MAP3K5: variants seen among roughly 807,000 people sequenced by gnomAD.
The protein encoded by MAP3K5 is ASK-1.
A neutral mutation model predicts 158.7 loss-of-function variants in MAP3K5; 56 were observed. The ratio of observed to expected loss-of-function variants is 0.35; its 90% CI spans 0.28 to 0.44. MAP3K5 has a LOEUF of 0.44. MAP3K5 is among the 20% of genes least tolerant of loss of function. MAP3K5 has a pLI of 1.00. For missense variants in MAP3K5, 1,294 were observed against 1,674.8 expected (o/e 0.77, Z 3.97); for synonymous variants, 579 against 601.7 (o/e 0.96, Z 0.55).
At position 136,688,268 on chromosome 6, in the gene MAP3K5, G is replaced by A. The variant is rs558656983; in HGVS notation, c.1253+5872C>T. On this transcript the variant is annotated intron_variant, in intron 7 of 29. Coordinates refer to ENST00000359015, the MANE Select transcript of MAP3K5 (RefSeq NM_005923.4). ...GGAACATCACACACTGAGACCTGTT[G>A]GTGGGTAGGGGGCTAGGGGAGGCAT... 6.6e-5 allele frequency among the ~76,000 whole-genome samples: 10 copies of A among 152,220 alleles called. No homozygotes were observed. In the South Asian group the frequency reaches 2.1e-3, roughly 32 times the overall value.
At chr6:136,776,304 C>T (rs1457466217) in intron 1 of MAP3K5, among the ~76,000 whole-genome samples, 2 of 152,146 alleles carry the variant, frequency 1.3e-5, no homozygotes, top group African/African-American at 2.4e-5. Context: ...AGTGCAGTGG[C>T]GCAATTATGG....
intron 3 of MAP3K5, among the ~76,000 whole-genome samples, chr6:136,700,717 T>C (rs1267971405): frequency 1.3e-5 from 2 of 152,106 alleles, no homozygotes; most frequent in African/African-American, 4.8e-5. Flanking sequence ...AAATATGTGA[T>C]TGAAACATAA....
At chr6:136,642,141 C>G (rs1778008233) in intron 12 of MAP3K5, among the ~76,000 whole-genome samples, 1 of 151,320 alleles carries the variant, frequency 6.6e-6, no homozygotes, top group African/African-American at 2.4e-5. Context: ...GCTTTGTATC[C>G]ACACAAAGGG....
intron 8 of MAP3K5, among the ~76,000 whole-genome samples, chr6:136,659,660 G>A (rs6914406): frequency 0.095 from 14,460 of 152,194 alleles, 1,525 homozygotes; most frequent in East Asian, 0.28. Flanking sequence ...AGAGGTACCT[G>A]TAACAGTCAA....
chr6:136,592,127 A>G (rs767276164), intron 23 of MAP3K5, 46 bp downstream of exon 23: 2 of 1,503,100 alleles, frequency 1.3e-6, no homozygotes, highest in Non-Finnish European at 1.8e-6. Flanking sequence ...GGACACAGAT[A>G]AAATATGTAA....
chr6:136,786,803 T>C (rs566307527), intron 1 of MAP3K5, among the ~76,000 whole-genome samples: 3 of 138,926 alleles, frequency 2.2e-5, no homozygotes, highest in Non-Finnish European at 4.7e-5. Flanking sequence ...AGTTCTTCTT[T>C]TTTTTTTTTT....
At position 136,613,296 on chromosome 6, in the gene MAP3K5, A is replaced by T; in HGVS notation, c.2279-40T>A. 1 of 1,574,988 alleles carries T rather than the reference A, an allele frequency of 6.3e-7. No individual in the cohort carries two copies. The highest frequency in any genetic ancestry group is 8.7e-7 in the Non-Finnish European group (1 of 1,154,698). ...TAAATAGTAAATAAATCCTCATTCA[A>T]ATGAGCTCTTTAAAGTGTATTAATA... On this transcript the variant is annotated intron_variant, in intron 16 of 29. Transcript: ENST00000359015. The surrounding 1 kb of genome is among the most constrained non-coding windows in gnomAD (Gnocchi z 4.0).
chr6:136,753,671 C>T (rs1211563044), intron 1 of MAP3K5, among the ~76,000 whole-genome samples: 2 of 152,122 alleles, frequency 1.3e-5, no homozygotes, highest in African/African-American at 2.4e-5. Flanking sequence ...ACAAATATTC[C>T]ATCATGTCTC....
rs568913197 is a variant in MAP3K5 at position 136,749,372 on chromosome 6, C to CA, written c.449-28784dup. 8.9e-3 allele frequency among the ~76,000 whole-genome samples: 779 copies of CA among 87,476 alleles called. 9 individuals carry two copies. The highest frequency in any genetic ancestry group is 0.055 in the South Asian group (150 of 2,748). 57.4% of individuals were successfully genotyped at this position (87,476 alleles called of 152,430 possible). A position where few individuals can be genotyped will look rare whatever the true frequency, so the allele number is the denominator to read the frequency against. On this transcript the variant is annotated intron_variant, in intron 1 of 29. Coordinates refer to ENST00000359015, the MANE Select transcript of MAP3K5 (RefSeq NM_005923.4). Reference sequence around the variant, plus strand: ...TGGGCAACAGAGCGAAACTCTGTATCAAAAAAAAAAAAAAAAAGGAATTAT... The same window carrying CA: ...TGGGCAACAGAGCGAAACTCTGTATCAAAAAAAAAAAAAAAAAAGGAATTAT...
intron 1 of MAP3K5, among the ~76,000 whole-genome samples, chr6:136,733,552 C>G (rs1217735893): frequency 3.9e-5 from 6 of 152,182 alleles, no homozygotes; most frequent in Non-Finnish European, 8.8e-5. Context: ...GTGTTATTCT[C>G]CTTCCAAGTT....
At chr6:136,730,215 T>C (rs1443708261) in intron 1 of MAP3K5, among the ~76,000 whole-genome samples, 7 of 150,822 alleles carry the variant, frequency 4.6e-5, no homozygotes, top group Non-Finnish European at 8.9e-5. Flanking sequence ...ACCAAGCTGG[T>C]CTCAAACTCC....
intron 1 of MAP3K5, among the ~76,000 whole-genome samples, chr6:136,746,954 G>A (rs867541430): frequency 5.3e-5 from 8 of 152,144 alleles, no homozygotes; most frequent in Admixed American, 2.0e-4. Context: ...ATTTTCTTTC[G>A]TTTTTTTGAG....
intron 1 of MAP3K5, among the ~76,000 whole-genome samples, chr6:136,743,141 G>A (rs1453065506): frequency 1.3e-5 from 2 of 151,638 alleles, no homozygotes; most frequent in East Asian, 2.0e-4. Flanking sequence ...CTGTCATCAG[G>A]GAATTGCAAA....
chr6:136,680,591 C>T (rs2114589789), intron 7 of MAP3K5, among the ~76,000 whole-genome samples: 2 of 152,302 alleles, frequency 1.3e-5, no homozygotes, highest in South Asian at 4.1e-4. Context: ...ATGCACAATA[C>T]CAAACTGCTT....
At chr6:136,733,002 G>A (rs1413721942) in intron 1 of MAP3K5, among the ~76,000 whole-genome samples, 4 of 152,024 alleles carry the variant, frequency 2.6e-5, no homozygotes, top group African/African-American at 9.7e-5. Flanking sequence ...CAAGCACATA[G>A]TACTTTTTCT....
chr6:136,708,710 T>C lies in MAP3K5; in HGVS notation c.589-3577A>G, dbSNP rs543485460. Among the ~76,000 whole-genome samples the C allele has an allele frequency of 1.7e-4, 26 of 152,318 alleles. 1 individual carries two copies. Among genetic ancestry groups the C allele is most frequent in the African/African-American group, 6.3e-4 (26 of 41,570 alleles). On this transcript the variant is annotated intron_variant, in intron 2 of 29. Coordinates refer to ENST00000359015, the MANE Select transcript of MAP3K5 (RefSeq NM_005923.4). ...GAGGAAGGTTGAAAGTGGCTTTTCC[T>C]GCAGGTGTTTCAAATAGTTAATATT...
At chr6:136,594,523 G>A (rs976066479) in intron 21 of MAP3K5, among the ~76,000 whole-genome samples, 1 of 152,132 alleles carries the variant, frequency 6.6e-6, no homozygotes, top group Non-Finnish European at 1.5e-5. Flanking sequence ...TGTTACTGAT[G>A]GAAGAATACA....
At chr6:136,600,142 A>T (rs1775809708) in intron 21 of MAP3K5, among the ~76,000 whole-genome samples, 1 of 151,582 alleles carries the variant, frequency 6.6e-6, no homozygotes, top group Non-Finnish European at 1.5e-5. Flanking sequence ...GAACTGTTTG[A>T]TCAACCACAC....
chr6:136,777,813 C>T, intron 1 of MAP3K5, among the ~76,000 whole-genome samples: 1 of 83,814 alleles, frequency 1.2e-5, no homozygotes, highest in East Asian at 2.9e-4. Context: ...TCTGGCCCAG[C>T]CTTCGAATGC....
Sources: gnomAD v4.1 joint callset for allele counts (sites outside exome capture counted in the v4.1 genomes callset) on GRCh38, gnomAD v4.1.1 for gene constraint, Gnocchi (gnomAD v3.1) non-coding constraint, MANE v1.5 for transcripts, NCBI Gene and HGNC (gene_info 2026-07-23, HGNC 2026-07-21) for gene names.